Variants in CD8B2 observed in about 807,000 individuals in gnomAD.
CD8B2 encodes T-cell surface glycoprotein CD8 beta-2 chain.
A neutral mutation model predicts 23.7 loss-of-function variants in CD8B2; 11 were observed. That is an observed-to-expected ratio of 0.46 (90% CI 0.29 to 0.77). The LOEUF (loss-of-function observed/expected upper bound fraction) is 0.77. CD8B2 is among the 30% of genes least tolerant of loss of function. CD8B2 has a pLI of 0.09. For synonymous variants in CD8B2, 90 were observed against 109.3 expected, an observed-to-expected ratio of 0.82 and a Z score of 1.10; for missense variants, 197 against 270.5, an observed-to-expected ratio of 0.73 and a Z score of 1.91.
intron 3 of CD8B2, among the ~76,000 whole-genome samples, 173 bp from the exon 4 acceptor site, chr2:106,502,294 CAAAAAAA>C (rs547491786): frequency 2.7e-4 from 19 of 69,478 alleles, no homozygotes; most frequent in African/African-American, 2.5e-4. Flanking sequence ...GACTCTGTCT[CAAAAAAA>C]AAAAAAAAAA....
At chr2:106,537,771 C>G (rs1169031709) in intron 5 of CD8B2, among the ~76,000 whole-genome samples, 1 of 152,166 alleles carries the variant, frequency 6.6e-6, no homozygotes, top group African/African-American at 2.4e-5. Context: ...CTAATTAGTA[C>G]TGCTGGGATT....
chr2:106,525,013 T>C (rs1386311837), intron 5 of CD8B2, among the ~76,000 whole-genome samples: 1 of 152,216 alleles, frequency 6.6e-6, no homozygotes, highest in Non-Finnish European at 1.5e-5. Context: ...TGTCTTGCCT[T>C]CCTTCTACAT....
At chr2:106,515,349 G>A (rs1403874021), downstream of CD8B2, among the ~76,000 whole-genome samples, 2 of 152,186 alleles carry the variant, frequency 1.3e-5, no homozygotes, top group African/African-American at 4.8e-5. Flanking sequence ...AGACTGCCCT[G>A]TTTGTGCTCC....
chr2:106,515,989 A>AT (rs200112622), downstream of CD8B2, among the ~76,000 whole-genome samples: 22,097 of 146,884 alleles, frequency 0.15, 1,893 homozygotes, highest in South Asian at 0.26. Context: ...TGCTCAGCTA[A>AT]TTTTTTTTTT....
chr2:106,506,293 A>G (rs946560548), intron 5 of CD8B2, among the ~76,000 whole-genome samples: 1 of 151,918 alleles, frequency 6.6e-6, no homozygotes, highest in African/African-American at 2.4e-5. Context: ...GGGAGGCTGG[A>G]TGCAGGACCT....
intron 1 of CD8B2, among the ~76,000 whole-genome samples, chr2:106,488,653 G>T (rs1336822677): frequency 6.6e-6 from 1 of 152,148 alleles, no homozygotes; most frequent in African/African-American, 2.4e-5. Context: ...CAGGTTCTGG[G>T]GTCCCACAAG....
chr2:106,500,756 C>T (rs1260582593), intron 3 of CD8B2, among the ~76,000 whole-genome samples: 1 of 152,026 alleles, frequency 6.6e-6, no homozygotes, highest in Non-Finnish European at 1.5e-5. Flanking sequence ...CTCAGCTACT[C>T]AAGGGACCAG....
chr2:106,497,480 T>C (rs2104553985), intron 3 of CD8B2, among the ~76,000 whole-genome samples: 1 of 152,238 alleles, frequency 6.6e-6, no homozygotes, highest in East Asian at 1.9e-4. Context: ...CAAACGTGTT[T>C]CTGGAAAAAT....
intron 2 of CD8B2, among the ~76,000 whole-genome samples, chr2:106,492,735 T>C (rs994325909): frequency 3.9e-5 from 6 of 152,088 alleles, no homozygotes; most frequent in African/African-American, 1.2e-4. Context: ...CGTGAGGAAG[T>C]GCAGGGGCAG....
intron 5 of CD8B2, among the ~76,000 whole-genome samples, chr2:106,535,574 C>T (rs752601851): frequency 1.3e-5 from 2 of 151,962 alleles, no homozygotes; most frequent in African/African-American, 2.4e-5. Context: ...ATTCCATCAC[C>T]GTAATACAAT....
In CD8B2 at chr2:106,510,930, A is replaced by T. The variant is rs1331633780; in HGVS notation, c.*3990A>T. On this transcript the variant is annotated 3_prime_UTR_variant, in exon 6 of 6. Transcript: ENST00000643224. ...TCCGGGTATATTTGTTTGTATATGTACAGGAAAAGGTCTGTAAGGATTTAC... is the reference window on the plus strand; with the variant it reads ...TCCGGGTATATTTGTTTGTATATGTTCAGGAAAAGGTCTGTAAGGATTTAC... The T allele has an allele frequency of 2.0e-5, 3 of 152,218 alleles. No homozygotes were observed. The highest frequency in any genetic ancestry group is 4.4e-5 in the Non-Finnish European group (3 of 68,042). The allele number at this position is 152,218 out of a possible 1,614,324, so 9.4% of individuals were successfully genotyped here.
chr2:106,507,276 C>T lies in CD8B2; in HGVS notation c.*336C>T. ...CCTTTAGTGGTGGCCGTTTAGCCAC[C>T]ATCTTTGCAAGTTGCTTTGCCCTGG... On this transcript the variant is annotated 3_prime_UTR_variant, in exon 6 of 6. Transcript: ENST00000643224. 1 of 1,114,124 alleles carries T rather than the reference C, an allele frequency of 9.0e-7. No homozygotes were observed. Among genetic ancestry groups the T allele is most frequent in the Non-Finnish European group, 1.1e-6 (1 of 911,998 alleles). The allele number at this position is 1,114,124 out of a possible 1,614,324, so 69.0% of individuals were successfully genotyped here. A position where few individuals can be genotyped will look rare whatever the true frequency, so the allele number is the denominator to read the frequency against.
At chr2:106,533,080 G>T (rs1377200842) in intron 5 of CD8B2, among the ~76,000 whole-genome samples, 2 of 152,150 alleles carry the variant, frequency 1.3e-5, no homozygotes, top group Non-Finnish European at 2.9e-5. Flanking sequence ...AAAAAGGATG[G>T]GAGGGTCTTA....
At chr2:106,523,193 ACATTTGAGACACTGCTCC>A (rs1328199514) in intron 5 of CD8B2, among the ~76,000 whole-genome samples, 2 of 152,122 alleles carry the variant, frequency 1.3e-5, no homozygotes, top group African/African-American at 2.4e-5. Context: ...AAAGAGAGTA[ACATTTGAGACACTGCTCC>A]CATCTTGCAA....
rs1184784853 is a variant in CD8B2 at position 106,496,154 on chromosome 2, T to C, written c.404-19T>C. ...GGTGTTCACTTGGCTAAGATATGTG[T>C]CTTGCTTTCTTTCTGTAGTTGATTT... On this transcript the variant is annotated intron_variant, in intron 2 of 5. Transcript: ENST00000643224. 2 of 1,543,260 alleles carry C rather than the reference T, an allele frequency of 1.3e-6. No individual in the cohort carries two copies. Among genetic ancestry groups the C allele is most frequent in the African/African-American group, 2.8e-5 (2 of 72,706 alleles).
At chr2:106,527,515 T>C (rs776894022) in intron 5 of CD8B2, among the ~76,000 whole-genome samples, 43 of 152,242 alleles carry the variant, frequency 2.8e-4, no homozygotes, top group Non-Finnish European at 5.4e-4. Flanking sequence ...CCGGGCACAG[T>C]GGCTCACGCC....
intron 1 of CD8B2, among the ~76,000 whole-genome samples, 182 bp downstream of exon 1, chr2:106,487,651 T>C (rs1167131606): frequency 6.6e-6 from 1 of 152,038 alleles, no homozygotes; most frequent in East Asian, 1.9e-4. Flanking sequence ...TACCCCCATA[T>C]CGCATTACCC....
intron 3 of CD8B2, among the ~76,000 whole-genome samples, chr2:106,500,521 A>AAT (rs370409093): frequency 7.0e-6 from 1 of 143,364 alleles, no homozygotes; most frequent in African/African-American, 2.5e-5. Context: ...CTCCGTCTCA[A>AAT]AAATAAATAA....
intron 2 of CD8B2, among the ~76,000 whole-genome samples, chr2:106,491,812 G>A (rs1322333764): frequency 2.0e-5 from 3 of 152,158 alleles, no homozygotes; most frequent in African/African-American, 7.2e-5. Context: ...GCCTCCCAAA[G>A]CGCTAGGATT....
Sources: gnomAD v4.1 joint callset for allele counts (sites outside exome capture counted in the v4.1 genomes callset) on GRCh38, gnomAD v4.1.1 for gene constraint, MANE v1.5 for transcripts, NCBI Gene and HGNC (gene_info 2026-07-23, HGNC 2026-07-21) for gene names.